The following GPHN variants were observed in gnomAD, a reference collection of about 807,000 sequenced individuals.
GPHN encodes gephyrin.
Under a neutral mutation model 95.5 loss-of-function variants are expected in GPHN, and 17 were observed. That is an observed-to-expected ratio of 0.18 (90% CI 0.12 to 0.27). The LOEUF is 0.27. Ranked by LOEUF, GPHN falls within the 10% of genes least tolerant of loss-of-function variation. GPHN has a pLI of 1.00. For synonymous variants in GPHN, 320 were observed against 322.5 expected (o/e 0.99, Z 0.08); for missense variants, 660 against 978.1 (o/e 0.67, Z 4.34).
chr14:67,376,412 T>A, the GPHN span: 1 of 1,562,426 alleles, frequency 6.4e-7, no homozygotes, highest in Non-Finnish European at 8.7e-7. Context: ...TATCTTTGAA[T>A]TGTTGAGCTT....
chr14:67,609,877 T>C, the GPHN span, among the ~76,000 whole-genome samples: 3 of 148,436 alleles, frequency 2.0e-5, no homozygotes, highest in Non-Finnish European at 4.4e-5. Context: ...TTCTTGGCCC[T>C]GGAGAAAGGG....
At chr14:67,705,716 T>C in the GPHN span, among the ~76,000 whole-genome samples, 88 of 152,342 alleles carry the variant, frequency 5.8e-4, 1 homozygote, top group African/African-American at 1.9e-3. Context: ...GAGTGAAAAG[T>C]ATGCAGGAAT....
chr14:67,664,173 T>C, the GPHN span, among the ~76,000 whole-genome samples: 5 of 152,208 alleles, frequency 3.3e-5, no homozygotes, highest in African/African-American at 1.2e-4. Context: ...TTTGACCATT[T>C]GTGAGGGTAT....
chr14:67,062,136 A>G (rs139815592), intron 11 of GPHN, among the ~76,000 whole-genome samples: 6 of 152,358 alleles, frequency 3.9e-5, no homozygotes, highest in African/African-American at 7.2e-5. Flanking sequence ...TTGAATTGTC[A>G]TAAGTAAAAT....
chr14:66,809,988 G>A (rs550888686), intron 3 of GPHN, among the ~76,000 whole-genome samples: 4 of 151,888 alleles, frequency 2.6e-5, no homozygotes, highest in African/African-American at 9.7e-5. Flanking sequence ...AGAGTTCTTG[G>A]CTCTCTTTGA....
At chr14:67,573,150 G>T in the GPHN span, 4 of 643,860 alleles carry the variant, frequency 6.2e-6, no homozygotes, top group Non-Finnish European at 1.1e-5. The surrounding 1 kb of genome is among the most constrained non-coding windows in gnomAD (Gnocchi z 4.8). Flanking sequence ...CACTGAGTAG[G>T]TACTCAATAA....
At chr14:67,115,388 C>T (rs1004487141) in intron 16 of GPHN, among the ~76,000 whole-genome samples, 3 of 152,142 alleles carry the variant, frequency 2.0e-5, no homozygotes, top group Non-Finnish European at 4.4e-5. Flanking sequence ...CATAATTTAC[C>T]CAGTCACAGT....
the GPHN span, chr14:67,447,819 G>A: frequency 3.3e-5 from 5 of 152,152 alleles, no homozygotes; most frequent in Admixed American, 1.3e-4. Context: ...GAAATCTGGC[G>A]AATGTGGGTG....
chr14:67,603,490 A>G, the GPHN span, among the ~76,000 whole-genome samples: 1 of 152,204 alleles, frequency 6.6e-6, no homozygotes, highest in Admixed American at 6.5e-5. Context: ...GATCTCTAAA[A>G]TCCTTTTTCT....
At chr14:67,188,391 T>G in the GPHN span, among the ~76,000 whole-genome samples, 1 of 152,206 alleles carries the variant, frequency 6.6e-6, no homozygotes, top group South Asian at 2.1e-4. Context: ...AAAATGGACG[T>G]GAGATAATAC....
intron 3 of GPHN, among the ~76,000 whole-genome samples, chr14:66,806,424 C>G (rs2060545646): frequency 6.6e-6 from 1 of 152,206 alleles, no homozygotes; most frequent in Admixed American, 6.5e-5. Flanking sequence ...TTTCTGCAGC[C>G]AGCTTGAATT....
rs546982470 is a variant in GPHN, at chr14:66,851,611, A to G, written c.294+27045A>G. On this transcript the variant is annotated intron_variant, in intron 4 of 22. Transcript: ENST00000478722. ...CACAATGGCTGAAACCGTTAAGTTG[A>G]CAAATAGGTCAGTTTGGCTGCAGAA... Among the ~76,000 whole-genome samples, 366 of 152,286 alleles carry G rather than the reference A, an allele frequency of 2.4e-3. 4 individuals carry two copies. Among genetic ancestry groups the G allele is most frequent in the African/African-American group, 8.3e-3 (345 of 41,568 alleles).
intron 1 of GPHN, among the ~76,000 whole-genome samples, chr14:66,520,327 T>C (rs987980420): frequency 6.6e-6 from 1 of 152,196 alleles, no homozygotes; most frequent in African/African-American, 2.4e-5. Context: ...CCCACCTTCA[T>C]TGGGTATTAG....
intron 3 of GPHN, among the ~76,000 whole-genome samples, chr14:66,792,345 A>G (rs527957462): frequency 1.3e-5 from 2 of 152,258 alleles, no homozygotes; most frequent in South Asian, 4.2e-4. Flanking sequence ...TCTACAAAAA[A>G]TAAATAAAAT....
At chr14:67,280,858 TCCCTCCC>T in the GPHN span, among the ~76,000 whole-genome samples, 17 of 118,106 alleles carry the variant, frequency 1.4e-4, no homozygotes, top group East Asian at 4.1e-3. Flanking sequence ...CTTCCTTCCC[TCCCTCCC>T]TCCCTCCCTC....
chr14:67,292,507 C>A, the GPHN span: 1 of 1,577,480 alleles, frequency 6.3e-7, no homozygotes, highest in Non-Finnish European at 8.7e-7. Flanking sequence ...TCTTCTTCTA[C>A]TAGAAATAGA....
At chr14:66,519,429 C>CTA (rs1566747764) in intron 1 of GPHN, among the ~76,000 whole-genome samples, 2 of 152,012 alleles carry the variant, frequency 1.3e-5, no homozygotes, top group Non-Finnish European at 2.9e-5. Flanking sequence ...CCTAACTAAC[C>CTA]AGTGTTTCAT....
intron 1 of GPHN, among the ~76,000 whole-genome samples, chr14:66,519,484 T>G (rs2058384287): frequency 6.6e-6 from 1 of 152,086 alleles, no homozygotes; most frequent in Admixed American, 6.5e-5. Flanking sequence ...TTCTAACACT[T>G]AAAAAAAGAT....
the GPHN span, chr14:67,563,002 A>G: frequency 6.9e-6 from 8 of 1,164,212 alleles, no homozygotes; most frequent in South Asian, 1.3e-4. Context: ...TGGCATCCTC[A>G]TGGTGGCCCT....
Sources: gnomAD v4.1 joint callset for allele counts (sites outside exome capture counted in the v4.1 genomes callset) on GRCh38, gnomAD v4.1.1 for gene constraint, Gnocchi (gnomAD v3.1) non-coding constraint, MANE v1.5 for transcripts, NCBI Gene and HGNC (gene_info 2026-07-23, HGNC 2026-07-21) for gene names.